ITGAD: variants seen among roughly 807,000 people sequenced by gnomAD.
ITGAD encodes integrin subunit alpha D, also known as integrin alpha-D.
A neutral mutation model predicts 139.0 loss-of-function variants in ITGAD; 105 were observed. The ratio of observed to expected loss-of-function variants is 0.76; its 90% CI spans 0.65 to 0.89. ITGAD has a LOEUF of 0.89. Ranked by LOEUF, ITGAD falls within the 40% of genes least tolerant of loss-of-function variation. ITGAD has a pLI of 0.00. For missense variants in ITGAD, 1,384 were observed against 1,487.3 expected, an observed-to-expected ratio of 0.93 and a Z score of 1.14; for synonymous variants, 569 against 598.3, an observed-to-expected ratio of 0.95 and a Z score of 0.71.
intron 10 of ITGAD, among the ~76,000 whole-genome samples, chr16:31,409,854 G>T (rs544393475): frequency 6.7e-6 from 1 of 148,410 alleles, no homozygotes; most frequent in Admixed American, 6.8e-5. Flanking sequence ...CAAGACTGCA[G>T]TGAGCGATGA....
rs1359783551 is a variant in ITGAD at position 31,408,487 on chromosome 16, G to C, written c.1072G>C (p.Ala358Pro). The C allele has an allele frequency of 6.8e-6, 11 of 1,613,864 alleles. No individual in the cohort carries two copies. Among genetic ancestry groups the C allele is most frequent in the Non-Finnish European group, 9.3e-6 (11 of 1,179,854 alleles). Residue 358 changes from alanine (A) to proline (P), a missense_variant, in exon 10 of 30, where the codon GCC becomes CCC. Transcript: ENST00000389202. ...GATGTCCCAAGAAGGCTTCAGCACAGCCCTCACAATGGTGGGTAGAGCCTG... is the reference window on the plus strand; with the variant it reads ...GATGTCCCAAGAAGGCTTCAGCACACCCCTCACAATGGTGGGTAGAGCCTG... The part of the protein sequence containing the change: ...HEMSQEGFST[A>P]LTMDGLFLGA...
chr16:31,407,408 T>C (rs976263270), intron 7 of ITGAD, 107 bp from the exon 8 acceptor site: 3 of 1,052,450 alleles, frequency 2.9e-6, no homozygotes, highest in Admixed American at 4.8e-5. Flanking sequence ...TGATAGAATG[T>C]GAGGGTGCCA....
chr16:31,407,507 C>T lies in ITGAD; in HGVS notation c.705-8C>T, dbSNP rs2142713175. The T allele has an allele frequency of 6.4e-7, 1 of 1,562,708 alleles. No individual in the cohort carries two copies. Among genetic ancestry groups the T allele is most frequent in the Non-Finnish European group, 8.7e-7 (1 of 1,152,986 alleles). ...TCAGTAGAGTCATCTTCCTTTCCTC[C>T]CCGACAGGACACAGCTATTTCATCA... On this transcript the variant is annotated splice_region_variant and splice_polypyrimidine_tract_variant and intron_variant, in intron 7 of 29. Transcript: ENST00000389202.
In ITGAD at chr16:31,401,168, G is replaced by A. The variant is rs565351642; in HGVS notation, c.428-947G>A. ...CCAGCTACTCAGGAGACTGAGGTGG[G>A]AGAATTGCCTGAGCCTGGGGAGGTC... On this transcript the variant is annotated intron_variant, in intron 5 of 29. Transcript: ENST00000389202. 2.6e-5 allele frequency among the ~76,000 whole-genome samples: 4 copies of A among 152,256 alleles called. No homozygotes were observed. The South Asian group carries it at 8.3e-4, about 32-fold the overall frequency.
intron 7 of ITGAD, among the ~76,000 whole-genome samples, chr16:31,405,335 A>G (rs1042877267): frequency 1.1e-4 from 17 of 152,138 alleles, no homozygotes; most frequent in Non-Finnish European, 2.1e-4. Flanking sequence ...CTTTTTTTAA[A>G]AAGAAGTTTT....
chr16:31,418,434 C>T lies in ITGAD; in HGVS notation c.2697-47C>T, dbSNP rs186664014. 3.1e-5 allele frequency: 50 copies of T among 1,607,684 alleles called. No individual in the cohort carries two copies. In the African/African-American group the frequency reaches 5.3e-4, roughly 17 times the overall value. On this transcript the variant is annotated intron_variant, in intron 22 of 29. Coordinates refer to ENST00000389202, the MANE Select transcript of ITGAD (RefSeq NM_005353.3). ...CTCCATCGCATGCCCCGGCTAGAGA[C>T]CCCTCTCCTGGATTCCTTCCCATTG...
Position 31,403,476 on chromosome 16 carries a change from G to C in ITGAD, c.559-24G>C, listed in dbSNP as rs765902120. 1.2e-6 allele frequency: 2 copies of C among 1,613,870 alleles called. No individual in the cohort carries two copies. Among genetic ancestry groups the C allele is most frequent in the Admixed American group, 1.7e-5 (1 of 59,988 alleles). On this transcript the variant is annotated intron_variant, in intron 6 of 29. Transcript: ENST00000389202. The surrounding 1 kb of genome is among the most constrained non-coding windows in gnomAD (Gnocchi z 4.4). ...CAATAGTAACAGGCACTGAGCCCTG[G>C]GCCCTCCCCACTGGCCTTTGCAGTT...
chr16:31,416,747 G>GCTCT (rs148435864), intron 20 of ITGAD, 101 bp downstream of exon 20: 3 of 1,064,920 alleles, frequency 2.8e-6, no homozygotes, highest in Non-Finnish European at 4.0e-6. Context: ...GATGATATGT[G>GCTCT]CTCTCTCTCT....
Position 31,397,362 on chromosome 16 carries a change from C to A in ITGAD, c.141C>A (p.Leu47=). ...QSVVQFGGSR[L]VVGAPLEVVA... ...ATGGCCATGGTTGTGTCTCCAGACT[C>A]GTGGTGGGAGCACCCCTGGAGGTGG... is the stretch of plus-strand genomic sequence containing the variant. The change falls in exon 3 of 30, where the codon CTC becomes CTA. Residue 47 remains leucine, a synonymous_variant. Transcript: ENST00000389202. 6.3e-7 allele frequency: 1 copy of A among 1,593,990 alleles called. No individual in the cohort carries two copies. The highest frequency in any genetic ancestry group is 1.7e-5 in the Admixed American group (1 of 57,702).
Position 31,403,344 on chromosome 16 carries a change from C to T in ITGAD, c.559-156C>T. On this transcript the variant is annotated intron_variant, in intron 6 of 29. Transcript: ENST00000389202. The surrounding 1 kb of genome is among the most constrained non-coding windows in gnomAD (Gnocchi z 4.4). ...AAACAAAACAAAAAACAAAGCCAGG[C>T]ATGTGACGTGTGCCTGTAGTTCCAG... is the stretch of plus-strand genomic sequence containing the variant. 1 of 802,122 alleles carries T rather than the reference C, an allele frequency of 1.2e-6. No homozygotes were observed. The highest frequency in any genetic ancestry group is 2.0e-6 in the Non-Finnish European group (1 of 501,018). 49.7% of individuals were successfully genotyped at this position (802,122 alleles called of 1,614,324 possible). A position where few individuals can be genotyped will look rare whatever the true frequency, so the allele number is the denominator to read the frequency against.
At position 31,403,589 on chromosome 16, in the gene ITGAD, T is replaced by C; in HGVS notation, c.648T>C (p.Asp216=). ...RTSPSQQSLV[D]PIVQLKGLTF... ...GCCCGAGCCAGCAGAGCCTGGTGGA[T>C]CCCATCGTCCAACTGAAAGGCCTGA... Residue 216 remains aspartate, a synonymous_variant, in exon 7 of 30, where the codon GAT becomes GAC. Transcript: ENST00000389202. This position sits in a 1 kb window ranked among gnomAD's most constrained non-coding sequence, Gnocchi z 4.4. The C allele has an allele frequency of 1.9e-6, 3 of 1,614,106 alleles. No individual in the cohort carries two copies. The highest frequency in any genetic ancestry group is 2.5e-6 in the Non-Finnish European group (3 of 1,180,022).
At chr16:31,422,568 T>C (rs2082028790) in intron 23 of ITGAD, among the ~76,000 whole-genome samples, 1 of 152,150 alleles carries the variant, frequency 6.6e-6, no homozygotes. Context: ...TCTGCTACAA[T>C]CTCTGTAAGC....
rs760064628 is a variant in ITGAD, at chr16:31,403,675, G to A, written c.704+30G>A. 5.6e-6 allele frequency: 9 copies of A among 1,613,342 alleles called. No individual in the cohort carries two copies. In the East Asian group the frequency reaches 1.6e-4, roughly 28 times the overall value. The stretch of plus-strand genomic sequence containing the variant: ...GCAACCCCGACCCCAGCCTGGCGAT[G>A]TGACTGCCACCCCCACTTCCTAACC... On this transcript the variant is annotated intron_variant, in intron 7 of 29. Transcript: ENST00000389202. This position sits in a 1 kb window ranked among gnomAD's most constrained non-coding sequence, Gnocchi z 4.4.
chr16:31,415,858 GTT>G (rs2081872398), intron 18 of ITGAD, among the ~76,000 whole-genome samples: 1 of 152,168 alleles, frequency 6.6e-6, no homozygotes, highest in Non-Finnish European at 1.5e-5. Flanking sequence ...TGGGACTGTA[GTT>G]TCTTTGAGCA....
chr16:31,418,682 C>A (rs139925117), intron 23 of ITGAD, 118 bp downstream of exon 23: 5 of 801,714 alleles, frequency 6.2e-6, no homozygotes, highest in East Asian at 5.0e-5. Context: ...TTTTGGGATG[C>A]CTTTGTGGGT....
In ITGAD at chr16:31,418,389, A is replaced by G. The variant is rs1705777669; in HGVS notation, c.2696+9A>G. 6.2e-7 allele frequency: 1 copy of G among 1,613,506 alleles called. No individual in the cohort carries two copies. Among genetic ancestry groups the G allele is most frequent in the African/African-American group, 1.3e-5 (1 of 75,030 alleles). ...AGGGCCAGTGCAAGCAGGTGGGTCC[A>G]GGCCAGGGTATCCCCCACCCTCCAT... On this transcript the variant is annotated intron_variant, in intron 22 of 29. Transcript: ENST00000389202.
Position 31,413,220 on chromosome 16 carries a change from T to G in ITGAD, c.1970T>G (p.Ile657Ser). Residue 657 changes from isoleucine (I) to serine (S), a missense_variant, in exon 16 of 30, where the codon ATC (isoleucine) becomes AGC (serine). Ile to Ser is a moderately radical substitution (Grantham distance 142, BLOSUM62 -2). Coordinates refer to ENST00000389202, the MANE Select transcript of ITGAD (RefSeq NM_005353.3). The stretch of plus-strand genomic sequence containing the variant: ...GGGGACGCCACCGTCTGTCTCACCA[T>G]CCAGAAAAGCTCACTGGACCAGCTA... ...EAGDATVCLT[I>S]QKSSLDQLGD... 6.2e-7 allele frequency: 1 copy of G among 1,614,030 alleles called. No homozygotes were observed. The highest frequency in any genetic ancestry group is 8.5e-7 in the Non-Finnish European group (1 of 1,179,968).
rs1430419784 is a variant in ITGAD, at chr16:31,416,650, A to C, written c.2499+4A>C. The stretch of plus-strand genomic sequence containing the variant: ...CCGACGGGTGTCAGGAGCCCAGGTA[A>C]CAACTGCTGTAGGCTCTAGTGGGAG... On this transcript the variant is annotated splice_donor_region_variant and intron_variant, in intron 20 of 29. Coordinates refer to ENST00000389202, the MANE Select transcript of ITGAD (RefSeq NM_005353.3). 6 of 1,605,220 alleles carry C rather than the reference A, an allele frequency of 3.7e-6. No individual in the cohort carries two copies. Among genetic ancestry groups the C allele is most frequent in the Admixed American group, 1.7e-5 (1 of 59,800 alleles).
chr16:31,397,744 G>A, intron 4 of ITGAD, 51 bp from the exon 5 acceptor site: 1 of 1,595,786 alleles, frequency 6.3e-7, no homozygotes. Flanking sequence ...GGCTGGGAGT[G>A]AAGGAGGAGG....
Sources: allele counts gnomAD v4.1 joint callset (sites outside exome capture counted in the v4.1 genomes callset), GRCh38; gene constraint gnomAD v4.1.1; non-coding constraint Gnocchi (gnomAD v3.1); transcripts MANE v1.5; gene names NCBI Gene and HGNC (gene_info 2026-07-23, HGNC 2026-07-21).